The following TMPRSS9 variants were observed in gnomAD, a reference collection of about 807,000 sequenced individuals.
TMPRSS9 encodes the protein transmembrane serine protease 9.
In TMPRSS9, 113 loss-of-function variants were observed where a neutral mutation model predicts 111.4. The observed-to-expected ratio is 1.01, with a 90% CI of 0.87 to 1.19. The LOEUF (loss-of-function observed/expected upper bound fraction) is 1.19. Among genes scored for constraint, TMPRSS9 ranks in the 50% most tolerant of loss-of-function variants. TMPRSS9 has a pLI of 0.00. For synonymous variants in TMPRSS9, 805 were observed against 659.1 expected, an observed-to-expected ratio of 1.22 and a Z score of -3.39; for missense variants, 1,803 against 1,513.1, an observed-to-expected ratio of 1.19 and a Z score of -3.18.
chr19:2,393,016 A>G (rs1022853927), intron 1 of TMPRSS9, among the ~76,000 whole-genome samples: 2 of 152,164 alleles, frequency 1.3e-5, no homozygotes, highest in African/African-American at 2.4e-5. Flanking sequence ...AAACACACCA[A>G]TCAGCACCCT....
intron 1 of TMPRSS9, among the ~76,000 whole-genome samples, chr19:2,370,173 C>T (rs969774050): frequency 6.6e-6 from 1 of 152,118 alleles, no homozygotes; most frequent in African/African-American, 2.4e-5. Flanking sequence ...TGTGCCACTG[C>T]ACTCTAGCCT....
chr19:2,421,868 C>CCCCCTGGCCTGCGAGGAGG lies in TMPRSS9; in HGVS notation c.2178_2196dup (p.Val733LeufsTer24). The CCCCCTGGCCTGCGAGGAGG allele has an allele frequency of 6.2e-7, 1 of 1,601,946 alleles. No individual in the cohort carries two copies. The highest frequency in any genetic ancestry group is 1.3e-5 in the African/African-American group (1 of 74,682). On this transcript the variant is annotated frameshift_variant, in exon 14 of 18. Transcript: ENST00000648592. LOFTEE classifies it high-confidence loss of function. Reference sequence around the variant, plus strand: ...TTCCTTTCTAGGGTGACTCTGGGGGCCCCCTGGCCTGCGAGGAGGCCCCTG... The same window carrying CCCCCTGGCCTGCGAGGAGG: ...TTCCTTTCTAGGGTGACTCTGGGGGCCCCCTGGCCTGCGAGGAGGCCCCTGGCCTGCGAGGAGGCCCCTG...
At chr19:2,375,550 G>T (rs1199330081) in intron 1 of TMPRSS9, among the ~76,000 whole-genome samples, 3 of 152,230 alleles carry the variant, frequency 2.0e-5, no homozygotes, top group East Asian at 1.9e-4. Flanking sequence ...GATGGGGATG[G>T]AGGGGTGGGA....
exon 8 of TMPRSS9, chr19:2,408,398 C>G: frequency 1.2e-6 from 2 of 1,613,878 alleles, no homozygotes; most frequent in Non-Finnish European, 1.7e-6. Flanking sequence ...TGGGTGCGAC[C>G]TACCTCAGCG....
At position 2,416,781 on chromosome 19, in the gene TMPRSS9, C is replaced by T. The variant is rs200917793; in HGVS notation, c.1989C>T (p.Ser663=). The T allele has an allele frequency of 2.4e-4, 392 of 1,611,720 alleles. 1 individual carries two copies. Among genetic ancestry groups the T allele is most frequent in the Admixed American group, 5.7e-4 (34 of 59,992 alleles). The change falls in exon 12 of 18, where the codon TCC becomes TCT. Residue 663 remains serine, a synonymous_variant. Coordinates refer to ENST00000648592, the Ensembl canonical transcript of TMPRSS9. ...CTGTGGGCCGGAAGTGCATGATCTC[C>T]GGATGGGGAAATACGCAGGAAGGAA... is the stretch of plus-strand genomic sequence containing the variant.
chr19:2,379,175 C>CTTTTTT lies in TMPRSS9; in HGVS notation c.-25-10583_-25-10582insTTTTTT, dbSNP rs201078504. Among the ~76,000 whole-genome samples the CTTTTTT allele has an allele frequency of 1.6e-5, 2 of 124,800 alleles. 1 individual carries two copies. Among genetic ancestry groups the CTTTTTT allele is most frequent in the African/African-American group, 6.5e-5 (2 of 30,782 alleles). 81.9% of individuals were successfully genotyped at this position (124,800 alleles called of 152,430 possible). On this transcript the variant is annotated intron_variant, in intron 1 of 17. Transcript: ENST00000649857. ...GTGTCCTAAGACAAAGCCTGAGCTT[C>CTTTTTT]TTTCTCTTTTTTTTTTTTTTTTTTT... is the stretch of plus-strand genomic sequence containing the variant.
At chr19:2,378,901 C>T (rs1970359206) in intron 1 of TMPRSS9, among the ~76,000 whole-genome samples, 1 of 152,118 alleles carries the variant, frequency 6.6e-6, no homozygotes, top group Non-Finnish European at 1.5e-5. Context: ...GGGGAAGCCC[C>T]TTATAAAACC....
chr19:2,390,348 T>G (rs1280017692), intron 1 of TMPRSS9, among the ~76,000 whole-genome samples: 1 of 146,518 alleles, frequency 6.8e-6, no homozygotes, highest in Admixed American at 6.9e-5. Context: ...GTTCACACCG[T>G]TCTCCTGTGT....
At chr19:2,421,788 G>GGT in intron 13 of TMPRSS9, 66 bp from the exon 15 acceptor site, 1 of 1,510,616 alleles carries the variant, frequency 6.6e-7, no homozygotes, top group Non-Finnish European at 8.9e-7. Flanking sequence ...AACGCAGGAG[G>GGT]GTATGGCAGT....
chr19:2,381,616 A>G (rs958761087), intron 1 of TMPRSS9, among the ~76,000 whole-genome samples: 26 of 140,872 alleles, frequency 1.8e-4, no homozygotes, highest in African/African-American at 5.7e-4. Context: ...GCCTTGCTCC[A>G]TGCCGCCCCT....
chr19:2,406,542 C>T (rs561566308), intron 7 of TMPRSS9, among the ~76,000 whole-genome samples: 5 of 145,808 alleles, frequency 3.4e-5, no homozygotes, highest in African/African-American at 1.3e-4. Flanking sequence ...GCCATGTTGG[C>T]CAGGCTGGTC....
At chr19:2,412,881 G>A (rs77945248) in intron 9 of TMPRSS9, among the ~76,000 whole-genome samples, 190 of 152,250 alleles carry the variant, frequency 1.2e-3, no homozygotes, top group African/African-American at 4.5e-3. Context: ...AGGAACTAAT[G>A]AGAGGGCTCA....
At chr19:2,361,844 C>G (rs980270895) in intron 1 of TMPRSS9, among the ~76,000 whole-genome samples, 4 of 152,194 alleles carry the variant, frequency 2.6e-5, no homozygotes, top group Non-Finnish European at 4.4e-5. Context: ...CCGGAAACAC[C>G]TTGTGGGCCG....
chr19:2,404,910 C>T (rs1224102118), intron 6 of TMPRSS9, among the ~76,000 whole-genome samples: 3 of 126,956 alleles, frequency 2.4e-5, no homozygotes, highest in Admixed American at 1.9e-4. Flanking sequence ...CCAGCCTGGA[C>T]AACAGAGCGA....
intron 1 of TMPRSS9, among the ~76,000 whole-genome samples, chr19:2,384,085 T>A (rs1405439007): frequency 1.3e-5 from 2 of 152,104 alleles, no homozygotes; most frequent in Non-Finnish European, 2.9e-5. Context: ...CTCGGCCACG[T>A]GGGCACGTCC....
chr19:2,422,270 C>T, intron 14 of TMPRSS9, 23 bp downstream of exon 15: 1 of 1,493,428 alleles, frequency 6.7e-7, no homozygotes, highest in Admixed American at 2.3e-5. Context: ...ACGGAGGGAT[C>T]CCTGGGAGTG....
At chr19:2,418,427 CTT>C (rs1971336859) in intron 13 of TMPRSS9, among the ~76,000 whole-genome samples, 2 of 41,094 alleles carry the variant, frequency 4.9e-5, no homozygotes, top group African/African-American at 2.8e-4. Flanking sequence ...CCCTCCCTCC[CTT>C]TCCTTCCCTC....
At chr19:2,413,629 T>C in intron 9 of TMPRSS9, 71 bp from the exon 11 acceptor site, 4 of 1,511,172 alleles carry the variant, frequency 2.6e-6, no homozygotes, top group Non-Finnish European at 3.6e-6. Flanking sequence ...AGCTCCTTCT[T>C]GGGCCTCGTA....
chr19:2,365,496 C>CA (rs1387726360), intron 1 of TMPRSS9, among the ~76,000 whole-genome samples: 2 of 152,038 alleles, frequency 1.3e-5, no homozygotes, highest in Non-Finnish European at 2.9e-5. Flanking sequence ...GCGTAGACAA[C>CA]AGCTGTCTGT....
Sources: gnomAD v4.1 joint callset for allele counts (sites outside exome capture counted in the v4.1 genomes callset) on GRCh38, gnomAD v4.1.1 for gene constraint, MANE v1.5 for transcripts, NCBI Gene and HGNC (gene_info 2026-07-23, HGNC 2026-07-21) for gene names.